ZNF529: variants seen among roughly 807,000 people sequenced by gnomAD.
ZNF529 encodes zinc finger protein 529.
Under a neutral mutation model 10.1 loss-of-function variants are expected in ZNF529, and 11 were observed. The ratio of observed to expected loss-of-function variants is 1.09; its 90% CI spans 0.69 to 1.81. The LOEUF is 1.81. ZNF529 is among the 40% of genes most tolerant of loss of function. The pLI is 0.00. For synonymous variants in ZNF529, 204 were observed against 215.7 expected (o/e 0.95, Z 0.47); for missense variants, 624 against 666.8 (o/e 0.94, Z 0.71).
Position 36,543,619 on chromosome 19 carries a change from G to A in ZNF529, c.*3247C>T, listed in dbSNP as rs1050533281. 1.3e-5 allele frequency: 2 copies of A among 152,008 alleles called. No homozygotes were observed. Among genetic ancestry groups the A allele is most frequent in the Non-Finnish European group, 2.9e-5 (2 of 68,014 alleles). 9.4% of individuals were successfully genotyped at this position (152,008 alleles called of 1,614,324 possible). A position where few individuals can be genotyped will look rare whatever the true frequency, so the allele number is the denominator to read the frequency against. On this transcript the variant is annotated 3_prime_UTR_variant, in exon 5 of 5. Coordinates refer to ENST00000591340, the MANE Select transcript of ZNF529 (RefSeq NM_020951.5). ...GTAAGAAAATGCCATAGACTGTGAG[G>A]CTTAAATACAGATATTTATTTTCTC... is the stretch of plus-strand genomic sequence containing the variant.
intron 2 of ZNF529, among the ~76,000 whole-genome samples, chr19:36,558,580 T>A (rs1283183837): frequency 6.6e-6 from 1 of 151,878 alleles, no homozygotes. Flanking sequence ...CCTAAATCCA[T>A]CAACACATAA....
chr19:36,582,281 CAA>C (rs1233187410), intron 2 of ZNF529: 1 of 151,970 alleles, frequency 6.6e-6, no homozygotes, highest in Non-Finnish European at 1.5e-5. Flanking sequence ...GCTGTATACT[CAA>C]ATAGTTAAGA....
intron 1 of ZNF529, among the ~76,000 whole-genome samples, chr19:36,603,506 G>GA (rs2145300657): frequency 6.6e-6 from 1 of 152,146 alleles, no homozygotes; most frequent in Admixed American, 6.5e-5. Flanking sequence ...ATAAAACAAA[G>GA]AAAAAAATCA....
At position 36,548,176 on chromosome 19, in the gene ZNF529, T is replaced by G; in HGVS notation, c.382A>C (p.Lys128Gln). 1.2e-6 allele frequency: 2 copies of G among 1,613,900 alleles called. No individual in the cohort carries two copies. Among genetic ancestry groups the G allele is most frequent in the Non-Finnish European group, 1.7e-6 (2 of 1,179,854 alleles). ...ACTTCAGGTCCTTGTAAGTCAATCT[T>G]GCTTTTGCTTTGCCAGTCATTTCTG... ...IFRNDWQSKS[K>Q]IDLQGPEVGY... The change falls in exon 5 of 5, where the codon AAG (lysine) becomes CAG (glutamine). Residue 128 changes from lysine (K) to glutamine (Q), a missense_variant. By Grantham distance (53) the Lys-to-Gln change is moderately conservative. Coordinates refer to ENST00000591340, the MANE Select transcript of ZNF529 (RefSeq NM_020951.5).
intron 2 of ZNF529, among the ~76,000 whole-genome samples, chr19:36,566,671 T>C (rs1358882112): frequency 2.6e-5 from 4 of 151,810 alleles, no homozygotes; most frequent in East Asian, 1.9e-4. Flanking sequence ...TGAGTTGCGA[T>C]TGCACCACTG....
chr19:36,598,678 A>G (rs1041971887), intron 1 of ZNF529, among the ~76,000 whole-genome samples: 1 of 152,186 alleles, frequency 6.6e-6, no homozygotes, highest in Admixed American at 6.5e-5. Flanking sequence ...AAAATTAGAA[A>G]AACAACAGCA....
upstream of ZNF529, among the ~76,000 whole-genome samples, chr19:36,574,228 G>A (rs2036255497): frequency 6.6e-6 from 1 of 152,156 alleles, no homozygotes; most frequent in Non-Finnish European, 1.5e-5. Context: ...GATTCCCTCC[G>A]GAAAGGCGGG....
At chr19:36,578,984 A>G (rs1270499887) in intron 2 of ZNF529, among the ~76,000 whole-genome samples, 1 of 151,604 alleles carries the variant, frequency 6.6e-6, no homozygotes, top group Non-Finnish European at 1.5e-5. Context: ...AGGCGGGTGG[A>G]TCACCTGCTG....
chr19:36,562,897 A>G (rs1452152651), intron 2 of ZNF529, among the ~76,000 whole-genome samples: 3 of 151,548 alleles, frequency 2.0e-5, no homozygotes, highest in African/African-American at 7.3e-5. Context: ...CCCTTTGTGA[A>G]TGGGATTACA....
At chr19:36,597,702 A>G (rs1435800817) in intron 1 of ZNF529, among the ~76,000 whole-genome samples, 1 of 152,246 alleles carries the variant, frequency 6.6e-6, no homozygotes, top group Non-Finnish European at 1.5e-5. Flanking sequence ...TTCCAACAAT[A>G]GAACAGATAA....
At chr19:36,578,887 C>T (rs558863350) in intron 2 of ZNF529, among the ~76,000 whole-genome samples, 1 of 151,846 alleles carries the variant, frequency 6.6e-6, no homozygotes, top group African/African-American at 2.4e-5. Context: ...CGTGAGCCAC[C>T]GCACCCGGCC....
chr19:36,590,544 C>T (rs2036682206), intron 1 of ZNF529, among the ~76,000 whole-genome samples: 1 of 151,722 alleles, frequency 6.6e-6, no homozygotes, highest in African/African-American at 2.4e-5. Context: ...ACCCTCGGTA[C>T]CCAGAAGAAA....
At chr19:36,581,872 T>C (rs1315537075) in intron 2 of ZNF529, 1 of 152,376 alleles carries the variant, frequency 6.6e-6, no homozygotes, top group Non-Finnish European at 1.5e-5. Flanking sequence ...GCCTCAGGTA[T>C]TCCTTTATAG....
rs1285193728 is a variant in ZNF529, at chr19:36,546,609, C to T, written c.*257G>A. 1 of 365,264 alleles carries T rather than the reference C, an allele frequency of 2.7e-6. No individual in the cohort carries two copies. The highest frequency in any genetic ancestry group is 2.1e-5 in the African/African-American group (1 of 47,584). The allele number at this position is 365,264 out of a possible 1,614,324, so 22.6% of individuals were successfully genotyped here. The stretch of plus-strand genomic sequence containing the variant: ...TACAAACATCAAAAGCTATTGTAAA[C>T]AAAACATGCCAGGATGAGAAACTCA... On this transcript the variant is annotated 3_prime_UTR_variant, in exon 5 of 5. Coordinates refer to ENST00000591340, the MANE Select transcript of ZNF529 (RefSeq NM_020951.5).
intron 2 of ZNF529, among the ~76,000 whole-genome samples, chr19:36,562,437 G>T (rs187142733): frequency 1.3e-5 from 2 of 152,070 alleles, no homozygotes; most frequent in East Asian, 3.9e-4. Context: ...GGAGTGAAAT[G>T]AATGTATTTT....
chr19:36,600,491 C>G (rs1314144616), intron 1 of ZNF529, among the ~76,000 whole-genome samples: 2 of 152,064 alleles, frequency 1.3e-5, no homozygotes, highest in Non-Finnish European at 2.9e-5. Context: ...ATATTAGTAT[C>G]TCCAATTTCT....
chr19:36,556,017 T>C (rs1568583893), intron 3 of ZNF529, 87 bp downstream of exon 3: 12 of 1,366,566 alleles, frequency 8.8e-6, no homozygotes, highest in Non-Finnish European at 9.1e-6. Flanking sequence ...AGTATGGGGT[T>C]GTGGTACAGG....
upstream of ZNF529, chr19:36,573,699 A>G (rs1334218721): frequency 3.0e-6 from 1 of 330,346 alleles, no homozygotes; most frequent in East Asian, 7.8e-5. Flanking sequence ...GGAGTCGCGG[A>G]CCCGGCTGCT....
chr19:36,605,270 C>G (rs929841087), upstream of ZNF529: 6 of 152,370 alleles, frequency 3.9e-5, 1 homozygote, highest in Admixed American at 1.3e-4. Context: ...CGGGCCGCCC[C>G]GGAGACTCCT....
Sources: gnomAD v4.1 joint callset for allele counts (sites outside exome capture counted in the v4.1 genomes callset) on GRCh38, gnomAD v4.1.1 for gene constraint, MANE v1.5 for transcripts, NCBI Gene and HGNC (gene_info 2026-07-23, HGNC 2026-07-21) for gene names.